The following SCN11A variants were observed in gnomAD, a reference collection of about 807,000 sequenced individuals.
SCN11A encodes the protein sodium channel protein type 11 subunit alpha.
A neutral mutation model predicts 162.2 loss-of-function variants in SCN11A; 122 were observed. The ratio of observed to expected loss-of-function variants is 0.75; its 90% CI spans 0.65 to 0.87. The LOEUF (loss-of-function observed/expected upper bound fraction) is 0.87. Among genes scored for constraint, SCN11A ranks in the 40% least tolerant of loss-of-function variants. The pLI, the probability that SCN11A is intolerant of heterozygous loss-of-function variation, is 0.00. For synonymous variants in SCN11A, 758 were observed against 751.5 expected, an observed-to-expected ratio of 1.01 and a Z score of -0.14; for missense variants, 2,015 against 2,181.6, an observed-to-expected ratio of 0.92 and a Z score of 1.52.
At chr3:38,994,665 C>A (rs982235181) in intron 2 of SCN11A, among the ~76,000 whole-genome samples, 6 of 152,162 alleles carry the variant, frequency 3.9e-5, no homozygotes, top group Non-Finnish European at 8.8e-5. Flanking sequence ...TTGGAGTCTG[C>A]AGTGTCTGTG....
rs769235015 is a variant in SCN11A at position 38,850,561 on chromosome 3, T to C, written c.4247A>G (p.Lys1416Arg). The C allele has an allele frequency of 9.3e-6, 15 of 1,613,806 alleles. No individual in the cohort carries two copies. The African/African-American group carries it at 1.2e-4, about 13-fold the overall frequency. ...GTAGTATTGCCTCAAAGCAAAGATTTTGATGAGACATTCTAACGTAAAGAT... is the reference window on the plus strand; with the variant it reads ...GTAGTATTGCCTCAAAGCAAAGATTCTGATGAGACATTCTAACGTAAAGAT... The part of the protein sequence containing the change: ...VVIFTLECLI[K>R]IFALRQYYFT... The change falls in exon 29 of 30, where the codon AAA becomes AGA. Residue 1416 changes from lysine to arginine, a missense_variant. Coordinates refer to ENST00000302328, the MANE Select transcript of SCN11A (RefSeq NM_001349253.2).
Position 38,872,302 on chromosome 3 carries a change from G to A in SCN11A, c.3394-8C>T. 1 of 1,457,372 alleles carries A rather than the reference G, an allele frequency of 6.9e-7. No homozygotes were observed. Among genetic ancestry groups the A allele is most frequent in the Non-Finnish European group, 9.6e-7 (1 of 1,037,622 alleles). 90.3% of individuals were successfully genotyped at this position (1,457,372 alleles called of 1,614,324 possible). A position where few individuals can be genotyped will look rare whatever the true frequency, so the allele number is the denominator to read the frequency against. Reference sequence around the variant, plus strand: ...GAGGGTGGTCACAGAGACCTGATGGGAAGAGAGGCCACAGATAATGTACCT... The same window carrying A: ...GAGGGTGGTCACAGAGACCTGATGGAAAGAGAGGCCACAGATAATGTACCT... On this transcript the variant is annotated splice_polypyrimidine_tract_variant and splice_region_variant and intron_variant, in intron 23 of 29. Coordinates refer to ENST00000302328, the MANE Select transcript of SCN11A (RefSeq NM_001349253.2).
intron 11 of SCN11A, among the ~76,000 whole-genome samples, chr3:38,917,887 T>C (rs1270875666): frequency 6.6e-6 from 1 of 152,182 alleles, no homozygotes; most frequent in Non-Finnish European, 1.5e-5. Flanking sequence ...GTACCACCTG[T>C]TCCCCCAAAA....
Position 38,867,416 on chromosome 3 carries a change from T to G in SCN11A, c.3856A>C (p.Ile1286Leu), listed in dbSNP as rs752151721. Reference protein sequence around the residue: ...PEFESNSLGYIYFVVFIIFGS... With the variant: ...PEFESNSLGYLYFVVFIIFGS... ...AAGATGATAAAGACTACGAAGTAAA[T>G]GTAACCGAGTGAATTGCTCTCAAAC... The change falls in exon 27 of 30, where the codon ATT (isoleucine) becomes CTT (leucine). Residue 1286 changes from isoleucine (I) to leucine (L), a missense_variant. Physicochemically the swap from Ile to Leu is conservative, Grantham distance 5 (BLOSUM62 2). Coordinates refer to ENST00000302328, the MANE Select transcript of SCN11A (RefSeq NM_001349253.2). 1.2e-6 allele frequency: 2 copies of G among 1,613,288 alleles called. No individual in the cohort carries two copies. Among genetic ancestry groups the G allele is most frequent in the South Asian group, 2.2e-5 (2 of 91,028 alleles).
At chr3:38,983,700 A>T (rs1013429142) in intron 2 of SCN11A, among the ~76,000 whole-genome samples, 2 of 152,048 alleles carry the variant, frequency 1.3e-5, no homozygotes, top group African/African-American at 4.8e-5. Flanking sequence ...GTTGCTAATG[A>T]CTCTTAAGTT....
chr3:38,894,184 C>T (rs1416252861), intron 19 of SCN11A, among the ~76,000 whole-genome samples: 1 of 152,058 alleles, frequency 6.6e-6, no homozygotes, highest in African/African-American at 2.4e-5. Context: ...ACAAACCAAC[C>T]AACAAACAAA....
In SCN11A at chr3:38,950,063, A is replaced by AC. The variant is rs749134287; in HGVS notation, c.267+32dup. 4.8e-3 allele frequency: 304 copies of AC among 63,988 alleles called. 16 individuals carry two copies. Among genetic ancestry groups the AC allele is most frequent in the East Asian group, 0.012 (29 of 2,380 alleles). The allele number at this position is 63,988 out of a possible 1,614,324, so 4.0% of individuals were successfully genotyped here. A position where few individuals can be genotyped will look rare whatever the true frequency, so the allele number is the denominator to read the frequency against. ...ACAACTGCATGGTTAGAACACCCCC[A>AC]CCCCCACCCCCCCCCCCCGCCCAAT... On this transcript the variant is annotated intron_variant, in intron 5 of 29. Coordinates refer to ENST00000302328, the MANE Select transcript of SCN11A (RefSeq NM_001349253.2).
At chr3:39,048,137 T>C (rs1161848629) in intron 1 of SCN11A, among the ~76,000 whole-genome samples, 1 of 152,082 alleles carries the variant, frequency 6.6e-6, no homozygotes, top group African/African-American at 2.4e-5. Flanking sequence ...AAAAGAAGAA[T>C]GGATAAAGAA....
chr3:38,910,685 T>G (rs1198316003), intron 11 of SCN11A, among the ~76,000 whole-genome samples: 2 of 152,200 alleles, frequency 1.3e-5, no homozygotes. Flanking sequence ...CAGAGCTCTT[T>G]TCATATCACC....
At chr3:38,980,207 G>A (rs1189000286) in intron 2 of SCN11A, among the ~76,000 whole-genome samples, 1 of 151,576 alleles carries the variant, frequency 6.6e-6, no homozygotes, top group East Asian at 1.9e-4. Flanking sequence ...AGGTGTGAAT[G>A]AAAATATCTC....
rs777977342 is a variant in SCN11A, at chr3:38,867,331, T to C, written c.3941A>G (p.Gln1314Arg). Residue 1314 changes from glutamine (Q) to arginine (R), a missense_variant, in exon 27 of 30, where the codon CAG (glutamine) becomes CGG (arginine). Transcript: ENST00000302328. Reference sequence around the variant, plus strand: ...AACCCAGATACTTATCTTTTTCTGCTGTTGGTTGAAGTTGTCAATGATAAC... The same window carrying C: ...AACCCAGATACTTATCTTTTTCTGCCGTTGGTTGAAGTTGTCAATGATAAC... ...IGVIIDNFNQ[Q>R]QKKLGGQDIF... 1.2e-6 allele frequency: 2 copies of C among 1,612,376 alleles called. No homozygotes were observed. The highest frequency in any genetic ancestry group is 1.7e-6 in the Non-Finnish European group (2 of 1,179,446).
At position 38,850,748 on chromosome 3, in the gene SCN11A, T is replaced by A. The variant is rs1575205600; in HGVS notation, c.4060A>T (p.Lys1354Ter). 20 of 1,572,294 alleles carry A rather than the reference T, an allele frequency of 1.3e-5. No homozygotes were observed. The highest frequency in any genetic ancestry group is 1.5e-5 in the Non-Finnish European group (17 of 1,161,976). The change falls in exon 29 of 30, where the codon AAA becomes TAA. Residue 1354 changes from lysine (K) to a stop codon, truncating the protein, a stop_gained. Coordinates refer to ENST00000302328, the MANE Select transcript of SCN11A (RefSeq NM_001349253.2). LOFTEE classifies it high-confidence loss of function. ...PQKPIPRPLN[K>*]CQGLVFDIVT... Reference sequence around the variant, plus strand: ...ATGTCGAACACGAGACCTTGACATTTGTTCTGAGAAAAAAAAGAAATTATA... The same window carrying A: ...ATGTCGAACACGAGACCTTGACATTAGTTCTGAGAAAAAAAAGAAATTATA...
At chr3:38,849,256 C>CTTTTTTTTT (rs1559484396) in intron 29 of SCN11A, 1 of 72,936 alleles carries the variant, frequency 1.4e-5, no homozygotes. Context: ...ATTTTCTAGC[C>CTTTTTTTTT]CTTTTTTTTT....
Position 38,871,643 on chromosome 3 carries a change from A to T in SCN11A, c.3561T>A (p.Ile1187=). 6.2e-7 allele frequency: 1 copy of T among 1,613,026 alleles called. No homozygotes were observed. Among genetic ancestry groups the T allele is most frequent in the Non-Finnish European group, 8.5e-7 (1 of 1,179,284 alleles). The change falls in exon 25 of 30, where the codon ATT becomes ATA. Residue 1187 remains isoleucine, a synonymous_variant. Coordinates refer to ENST00000302328, the MANE Select transcript of SCN11A (RefSeq NM_001349253.2). ...AILNVLLVCL[I]FWLVFCILGV... ...CCAGAATACAAAATACGAGCCAGAA[A>T]ATGAGGCAGACAAGCAAAACATTCA...
chr3:38,992,565 T>C (rs1241444013), intron 2 of SCN11A, among the ~76,000 whole-genome samples: 1 of 152,258 alleles, frequency 6.6e-6, no homozygotes, highest in Non-Finnish European at 1.5e-5. Flanking sequence ...GAATGACTCA[T>C]GTATCAACAA....
chr3:39,033,343 CAT>C (rs1412282929), intron 1 of SCN11A, among the ~76,000 whole-genome samples: 1 of 151,258 alleles, frequency 6.6e-6, no homozygotes, highest in Non-Finnish European at 1.5e-5. Flanking sequence ...GTTTATTAGA[CAT>C]GTGAGGTTTC....
Position 38,903,732 on chromosome 3 carries a change from C to A in SCN11A, c.1842+133G>T, listed in dbSNP as rs1205891562. On this transcript the variant is annotated intron_variant, in intron 16 of 29. Transcript: ENST00000302328. ...GTAAAAGTAAAACCGTAACAGCCAT[C>A]TTTTCCCTCACTCCACTGAAGGGGA... 9.3e-6 allele frequency: 6 copies of A among 642,624 alleles called. No individual in the cohort carries two copies. The African/African-American group carries it at 1.1e-4, about 12-fold the overall frequency. The allele number at this position is 642,624 out of a possible 1,614,324, so 39.8% of individuals were successfully genotyped here.
intron 28 of SCN11A, among the ~76,000 whole-genome samples, chr3:38,861,093 A>G (rs1408229964): frequency 6.6e-6 from 1 of 152,174 alleles, no homozygotes; most frequent in Non-Finnish European, 1.5e-5. Flanking sequence ...GCTATACACC[A>G]ACAACAACCA....
At chr3:38,886,284 G>T in intron 19 of SCN11A, 46 bp from the exon 20 acceptor site, 2 of 1,291,752 alleles carry the variant, frequency 1.5e-6, no homozygotes, top group Non-Finnish European at 2.2e-6. Flanking sequence ...TCCTGGACAT[G>T]TCACTTAAGA....
Sources: gnomAD v4.1 joint callset for allele counts (sites outside exome capture counted in the v4.1 genomes callset) on GRCh38, gnomAD v4.1.1 for gene constraint, MANE v1.5 for transcripts, NCBI Gene and HGNC (gene_info 2026-07-23, HGNC 2026-07-21) for gene names.